The following SETBP1 variants were observed in gnomAD, a reference collection of about 807,000 sequenced individuals.
SETBP1 encodes SET binding protein 1.
Under a neutral mutation model 101.0 loss-of-function variants are expected in SETBP1, and 9 were observed. That is an observed-to-expected ratio of 0.09 (90% confidence interval 0.05 to 0.16). The LOEUF is 0.16. Among genes scored for constraint, SETBP1 ranks in the 10% least tolerant of loss-of-function variants. The pLI is 1.00. For missense variants in SETBP1, 1,858 were observed against 2,033.8 expected, an observed-to-expected ratio of 0.91 and a Z score of 1.66; for synonymous variants, 818 against 788.5, an observed-to-expected ratio of 1.04 and a Z score of -0.63.
chr18:44,908,153 C>T (rs534669106), intron 3 of SETBP1, among the ~76,000 whole-genome samples: 58 of 152,126 alleles, frequency 3.8e-4, no homozygotes, highest in Non-Finnish European at 7.1e-4. Context: ...CTCCGCCTCC[C>T]GGGTTCAAGT....
At chr18:44,749,668 G>A (rs1486989992) in intron 2 of SETBP1, among the ~76,000 whole-genome samples, 1 of 152,088 alleles carries the variant, frequency 6.6e-6, no homozygotes, top group African/African-American at 2.4e-5. Context: ...ACATACATAT[G>A]AAAATTAAAA....
chr18:45,029,555 A>T (rs1201687747), intron 4 of SETBP1, among the ~76,000 whole-genome samples: 1 of 152,158 alleles, frequency 6.6e-6, no homozygotes, highest in East Asian at 1.9e-4. Context: ...GAAGAAAGTC[A>T]TTGGTAGCTT....
intron 2 of SETBP1, among the ~76,000 whole-genome samples, chr18:44,819,424 A>G (rs1473299659): frequency 1.3e-5 from 2 of 152,184 alleles, no homozygotes; most frequent in Non-Finnish European, 1.5e-5. Context: ...CTTACTGTGT[A>G]TGTTTCCTTC....
chr18:45,025,186 A>G (rs1219603684), intron 4 of SETBP1, among the ~76,000 whole-genome samples: 1 of 152,196 alleles, frequency 6.6e-6, no homozygotes, highest in African/African-American at 2.4e-5. Flanking sequence ...GAGGTGATGA[A>G]TACTACCTTG....
At chr18:45,045,913 C>T (rs1367104555) in intron 5 of SETBP1, among the ~76,000 whole-genome samples, 3 of 152,006 alleles carry the variant, frequency 2.0e-5, no homozygotes, top group African/African-American at 7.3e-5. Flanking sequence ...CCCCCTTGCC[C>T]ACCTCTCATG....
At chr18:45,023,586 AC>A (rs1447881774) in intron 4 of SETBP1, among the ~76,000 whole-genome samples, 1 of 152,226 alleles carries the variant, frequency 6.6e-6, no homozygotes, top group Non-Finnish European at 1.5e-5. Flanking sequence ...GTAGATGATG[AC>A]AAAACTTGGC....
Position 45,063,700 on chromosome 18 carries a change from G to C in SETBP1, c.*2G>C, listed in dbSNP as rs550183743. On this transcript the variant is annotated 3_prime_UTR_variant, in exon 6 of 6. Coordinates refer to ENST00000649279, the MANE Select transcript of SETBP1 (RefSeq NM_015559.3). ...AGTGAGAGCGAGGTCCTTCCCTAGG[G>C]CGGGTCTGGGCGTCTGCACCTGGGG... 1 of 1,604,082 alleles carries C rather than the reference G, an allele frequency of 6.2e-7. No homozygotes were observed. Among genetic ancestry groups the C allele is most frequent in the East Asian group, 2.3e-5 (1 of 44,394 alleles).
At chr18:44,757,882 T>G (rs2070536895) in intron 2 of SETBP1, among the ~76,000 whole-genome samples, 2 of 152,178 alleles carry the variant, frequency 1.3e-5, no homozygotes, top group Non-Finnish European at 1.5e-5. Flanking sequence ...CAATTCAAAA[T>G]GTGTCAAAGG....
chr18:44,899,071 T>A (rs573647055), intron 3 of SETBP1, among the ~76,000 whole-genome samples: 1 of 152,288 alleles, frequency 6.6e-6, no homozygotes, highest in South Asian at 2.1e-4. Context: ...AATTTTTAAG[T>A]GACAGTGAGA....
At chr18:44,918,194 T>C (rs1802936475) in intron 3 of SETBP1, among the ~76,000 whole-genome samples, 1 of 152,230 alleles carries the variant, frequency 6.6e-6, no homozygotes, top group African/African-American at 2.4e-5. Context: ...CGGGACAGCC[T>C]GTTCCTCTGC....
intron 2 of SETBP1, among the ~76,000 whole-genome samples, chr18:44,802,841 G>T (rs1385572438): frequency 6.6e-6 from 1 of 152,096 alleles, no homozygotes; most frequent in East Asian, 1.9e-4. Flanking sequence ...TGGCCATGGG[G>T]TATGCACGTC....
intron 4 of SETBP1, among the ~76,000 whole-genome samples, chr18:45,003,700 A>C (rs575311956): frequency 2.4e-4 from 37 of 152,344 alleles, no homozygotes; most frequent in Non-Finnish European, 1.5e-5. Context: ...AAAAAAAAAA[A>C]AAACAGCAGT....
chr18:44,913,931 T>A (rs1004009552), intron 3 of SETBP1, among the ~76,000 whole-genome samples: 1 of 152,218 alleles, frequency 6.6e-6, no homozygotes, highest in African/African-American at 2.4e-5. Context: ...TTTCTCAGCC[T>A]TTTGCAATAC....
chr18:44,824,213 T>C (rs2072183297), intron 2 of SETBP1, among the ~76,000 whole-genome samples: 1 of 152,186 alleles, frequency 6.6e-6, no homozygotes, highest in South Asian at 2.1e-4. Context: ...CTTCTGCTGC[T>C]TCTCTGCAAA....
intron 3 of SETBP1, among the ~76,000 whole-genome samples, chr18:44,896,528 A>G (rs1463951769): frequency 6.6e-6 from 1 of 151,760 alleles, no homozygotes; most frequent in African/African-American, 2.4e-5. Context: ...TGTTTGTTGG[A>G]TTTTTTCCGG....
At chr18:44,797,876 A>G (rs1395485891) in intron 2 of SETBP1, among the ~76,000 whole-genome samples, 4 of 152,022 alleles carry the variant, frequency 2.6e-5, no homozygotes, top group Non-Finnish European at 5.9e-5. Context: ...CACCTCTCTG[A>G]TCTCATCTCA....
chr18:44,837,861 C>G (rs1160956671), intron 2 of SETBP1, among the ~76,000 whole-genome samples: 1 of 152,228 alleles, frequency 6.6e-6, no homozygotes, highest in Non-Finnish European at 1.5e-5. Flanking sequence ...TTCAGATTAT[C>G]TGCCTTACAG....
intron 4 of SETBP1, among the ~76,000 whole-genome samples, chr18:44,992,471 A>G (rs1222695809): frequency 5.3e-5 from 8 of 152,066 alleles, no homozygotes; most frequent in Admixed American, 2.0e-4. Flanking sequence ...GAAGGATAGA[A>G]TGCAAAGAAA....
At chr18:44,772,795 A>G (rs936328140) in intron 2 of SETBP1, among the ~76,000 whole-genome samples, 1 of 152,202 alleles carries the variant, frequency 6.6e-6, no homozygotes, top group Non-Finnish European at 1.5e-5. Context: ...AGAATTAAAT[A>G]TAGTAATCAA....
Sources: gnomAD v4.1 joint callset for allele counts (sites outside exome capture counted in the v4.1 genomes callset) on GRCh38, gnomAD v4.1.1 for gene constraint, MANE v1.5 for transcripts, NCBI Gene and HGNC (gene_info 2026-07-23, HGNC 2026-07-21) for gene names.